Variants in CACNA1E observed in about 807,000 individuals in gnomAD.
The protein encoded by CACNA1E is calcium voltage-gated channel subunit alpha1 E, also known as voltage-dependent R-type calcium channel subunit alpha-1E.
Under a neutral mutation model 259.2 loss-of-function variants are expected in CACNA1E, and 40 were observed. The ratio of observed to expected loss-of-function variants is 0.15; its 90% confidence interval spans 0.12 to 0.20. CACNA1E has a LOEUF of 0.20. CACNA1E is among the 10% of genes least tolerant of loss of function. The probability of loss-of-function intolerance (pLI) is 1.00; values close to 1 mark genes in which losing one functional copy is unlikely to be tolerated. For synonymous variants in CACNA1E, 1,104 were observed against 1,138.5 expected (o/e 0.97, Z 0.61); for missense variants, 1,874 against 3,040.1 (o/e 0.62, Z 9.02).
Position 181,711,024 on chromosome 1 carries a change from A to G in CACNA1E, c.1126A>G (p.Ile376Val). Residue 376 changes from isoleucine to valine, a missense_variant, in exon 8 of 48, where the codon ATT becomes GTT. Coordinates refer to ENST00000367573, the MANE Select transcript of CACNA1E (RefSeq NM_001205293.3). ...CATGAAGCTGCGGCGCCAGCAGCAG[A>G]TTGAGCGTGAGCTGAATGGCTACCG... is the stretch of plus-strand genomic sequence containing the variant. Reference protein sequence around the residue: ...AFMKLRRQQQIERELNGYRAW... With the variant: ...AFMKLRRQQQVERELNGYRAW... 6.2e-7 allele frequency: 1 copy of G among 1,613,950 alleles called. No individual in the cohort carries two copies. Among genetic ancestry groups the G allele is most frequent in the Non-Finnish European group, 8.5e-7 (1 of 1,179,874 alleles).
In CACNA1E at chr1:181,801,859, C is replaced by T. The variant is rs188871836; in HGVS notation, c.*3025C>T. On this transcript the variant is annotated 3_prime_UTR_variant, in exon 48 of 48. Transcript: ENST00000367573. ...CAGTTTCTCTTGCTAATATATGACT[C>T]GTCTTCACCATCTCCTCAAAACAAG... 5.3e-5 allele frequency: 8 copies of T among 152,300 alleles called. No homozygotes were observed. The highest frequency in any genetic ancestry group is 3.9e-4 in the East Asian group (2 of 5,184). 9.4% of individuals were successfully genotyped at this position (152,300 alleles called of 1,614,324 possible).
intron 6 of CACNA1E, among the ~76,000 whole-genome samples, chr1:181,641,879 AAT>A (rs568166078): frequency 6.6e-6 from 1 of 151,564 alleles, no homozygotes; most frequent in Non-Finnish European, 1.5e-5. Flanking sequence ...ACACCCAGCT[AAT>A]TTTTGTATTT....
intron 3 of CACNA1E, among the ~76,000 whole-genome samples, chr1:181,568,500 T>C (rs1209366936): frequency 6.6e-6 from 1 of 152,196 alleles, no homozygotes. Flanking sequence ...CTGGAGTTCT[T>C]TGAACACTGC....
chr1:181,715,232 GCTCT>G, intron 8 of CACNA1E, 102 bp from the exon 9 acceptor site: 1 of 700,962 alleles, frequency 1.4e-6, no homozygotes, highest in Non-Finnish European at 2.6e-6. Context: ...TCTGAACTCT[GCTCT>G]CTCTCTGTTG....
chr1:181,410,301 C>T (rs1365532353), intron 1 of CACNA1E, among the ~76,000 whole-genome samples: 1 of 152,210 alleles, frequency 6.6e-6, no homozygotes, highest in African/African-American at 2.4e-5. Context: ...ATTTTCTTCT[C>T]CTTACCAAGC....
intron 1 of CACNA1E, among the ~76,000 whole-genome samples, chr1:181,487,427 G>C (rs1250158260): frequency 1.3e-5 from 2 of 152,154 alleles, no homozygotes; most frequent in Non-Finnish European, 2.9e-5. Context: ...TGGCATGAAA[G>C]ATGGTGGCAA....
At chr1:181,719,928 A>G in intron 13 of CACNA1E, 65 bp downstream of exon 13, 1 of 945,774 alleles carries the variant, frequency 1.1e-6, no homozygotes, top group Non-Finnish European at 1.6e-6. Context: ...TCTGCCTTAT[A>G]TTTTCTTCCA....
intron 1 of CACNA1E, among the ~76,000 whole-genome samples, chr1:181,342,721 T>A (rs1652261494): frequency 6.6e-6 from 1 of 152,146 alleles, no homozygotes; most frequent in Non-Finnish European, 1.5e-5. Flanking sequence ...AAGAAGTGCT[T>A]ACCTCGAAAG....
Position 181,804,918 on chromosome 1 carries a change from T to C in CACNA1E, c.*6084T>C, listed in dbSNP as rs1349811145. 6.8e-6 allele frequency: 1 copy of C among 146,668 alleles called. No homozygotes were observed. Among genetic ancestry groups the C allele is most frequent in the Non-Finnish European group, 1.5e-5 (1 of 67,104 alleles). 9.1% of individuals were successfully genotyped at this position (146,668 alleles called of 1,614,324 possible). A position where few individuals can be genotyped will look rare whatever the true frequency, so the allele number is the denominator to read the frequency against. On this transcript the variant is annotated 3_prime_UTR_variant, in exon 48 of 48. Transcript: ENST00000367573. ...TTTCCCTTATTCTTCTTGTTGTCTC[T>C]CTAATTAAAAAAAAAAAAAACCTAG... is the stretch of plus-strand genomic sequence containing the variant.
chr1:181,511,586 A>T (rs530377617), intron 3 of CACNA1E, 76 bp downstream of exon 3: 2 of 1,536,184 alleles, frequency 1.3e-6, no homozygotes, highest in African/African-American at 1.4e-5. Flanking sequence ...GGGGCAGGGA[A>T]CCTGGGGTGG....
chr1:181,435,756 T>C (rs1414564028), intron 2 of CACNA1E, among the ~76,000 whole-genome samples: 2 of 152,226 alleles, frequency 1.3e-5, no homozygotes, highest in East Asian at 3.8e-4. Context: ...AAGGAGTTCC[T>C]TTCCTTGGAA....
At chr1:181,579,251 C>T in intron 5 of CACNA1E, 27 bp downstream of exon 5, 2 of 1,588,966 alleles carry the variant, frequency 1.3e-6, no homozygotes, top group East Asian at 2.2e-5. Flanking sequence ...CTGTCTTCTC[C>T]TTTTCCCTTC....
At chr1:181,551,892 C>T (rs1648206478) in intron 3 of CACNA1E, among the ~76,000 whole-genome samples, 1 of 152,084 alleles carries the variant, frequency 6.6e-6, no homozygotes, top group Non-Finnish European at 1.5e-5. Flanking sequence ...TTCCTTCCCC[C>T]CTCCTTTCCT....
intron 1 of CACNA1E, among the ~76,000 whole-genome samples, chr1:181,343,651 C>T (rs753162305): frequency 3.9e-5 from 6 of 152,174 alleles, no homozygotes; most frequent in Admixed American, 2.6e-4. Flanking sequence ...ATGGACTAAC[C>T]CAGATGTGTA....
chr1:181,590,008 C>T (rs1652469976), intron 6 of CACNA1E, among the ~76,000 whole-genome samples: 1 of 152,186 alleles, frequency 6.6e-6, no homozygotes, highest in Non-Finnish European at 1.5e-5. Context: ...CCTTAACCAT[C>T]CTCTCCTTAG....
intron 1 of CACNA1E, among the ~76,000 whole-genome samples, chr1:181,402,019 C>A (rs1432500351): frequency 1.3e-5 from 2 of 152,140 alleles, no homozygotes; most frequent in African/African-American, 4.8e-5. Context: ...CACTTTGGAG[C>A]TTGTGTGTGA....
chr1:181,446,900 C>T (rs556500912), intron 2 of CACNA1E, among the ~76,000 whole-genome samples: 1 of 152,008 alleles, frequency 6.6e-6, no homozygotes, highest in Admixed American at 6.6e-5. Flanking sequence ...CTTTAAATTA[C>T]AGTATTCTTA....
intron 3 of CACNA1E, among the ~76,000 whole-genome samples, chr1:181,553,228 G>A (rs1216750604): frequency 6.6e-6 from 1 of 152,124 alleles, no homozygotes; most frequent in Non-Finnish European, 1.5e-5. Context: ...TCCCTTGTTA[G>A]CTGTATTCCT....
intron 2 of CACNA1E, among the ~76,000 whole-genome samples, chr1:181,414,252 G>T (rs911103857): frequency 6.6e-6 from 1 of 152,172 alleles, no homozygotes; most frequent in Non-Finnish European, 1.5e-5. Flanking sequence ...TGTGGATGCC[G>T]GAGTTTACTC....
Sources: gnomAD v4.1 joint callset for allele counts (sites outside exome capture counted in the v4.1 genomes callset) on GRCh38, gnomAD v4.1.1 for gene constraint, MANE v1.5 for transcripts, NCBI Gene and HGNC (gene_info 2026-07-23, HGNC 2026-07-21) for gene names.